Variants in VWA3A observed in about 807,000 individuals in gnomAD.
The protein encoded by VWA3A is von Willebrand factor A domain containing 3A.
In VWA3A, 134 loss-of-function variants were observed where a neutral mutation model predicts 160.4. The ratio of observed to expected loss-of-function variants is 0.84; its 90% CI spans 0.73 to 0.96. VWA3A has a LOEUF of 0.96. VWA3A is among the 40% of genes least tolerant of loss of function. VWA3A has a pLI of 0.00. For missense variants in VWA3A, 1,310 were observed against 1,447.9 expected (o/e 0.90, Z 1.55); for synonymous variants, 476 against 543.4 (o/e 0.88, Z 1.72).
intron 27 of VWA3A, among the ~76,000 whole-genome samples, chr16:22,147,913 CACAG>C (rs1454078795): frequency 2.6e-5 from 4 of 152,152 alleles, no homozygotes; most frequent in African/African-American, 9.7e-5. Context: ...TGCAACTCAT[CACAG>C]ACAAAGCCAG....
Position 22,113,363 on chromosome 16 carries a change from C to CTTTTTTTTTT in VWA3A, c.690-1960_690-1951dup, listed in dbSNP as rs569069206. ...TGCTCCACAATGCCTGGCTAATTTT[C>CTTTTTTTTTT]TTTTTTTTTTTTTTTTTTTTTTTTT... On this transcript the variant is annotated intron_variant, in intron 8 of 33. Transcript: ENST00000389398. 9.3e-3 allele frequency among the ~76,000 whole-genome samples: 431 copies of CTTTTTTTTTT among 46,260 alleles called. 44 individuals are homozygous for CTTTTTTTTTT. The highest frequency in any genetic ancestry group is 0.043 in the East Asian group (34 of 794). The allele number at this position is 46,260 out of a possible 152,430, so 30.3% of individuals were successfully genotyped here.
In VWA3A at chr16:22,152,390, C is replaced by T; in HGVS notation, c.3282-121C>T. 4.6e-6 allele frequency: 6 copies of T among 1,312,178 alleles called. No individual in the cohort carries two copies. The East Asian group carries it at 7.6e-5, about 17-fold the overall frequency. The allele number at this position is 1,312,178 out of a possible 1,614,324, so 81.3% of individuals were successfully genotyped here. ...GTGGTCTCCATGGGACAAGCCACGG[C>T]CCATTGCCAGGCTGATTTCTCTTAA... is the stretch of plus-strand genomic sequence containing the variant. On this transcript the variant is annotated intron_variant, in intron 30 of 33. Transcript: ENST00000389398.
intron 12 of VWA3A, 150 bp from the exon 13 acceptor site, chr16:22,120,818 G>A (rs2045719769): frequency 1.1e-6 from 1 of 894,820 alleles, no homozygotes; most frequent in Admixed American, 2.8e-5. Flanking sequence ...GAAGGGGAGG[G>A]GATGATGGAA....
chr16:22,121,738 C>T (rs1005871062), intron 14 of VWA3A, 121 bp downstream of exon 14: 25 of 743,880 alleles, frequency 3.4e-5, no homozygotes, highest in Middle Eastern at 3.8e-4. Context: ...CACCCAGGAC[C>T]CTAGAATGCA....
intron 5 of VWA3A, among the ~76,000 whole-genome samples, chr16:22,102,306 G>A (rs1387468240): frequency 1.3e-5 from 2 of 151,992 alleles, no homozygotes; most frequent in East Asian, 1.9e-4. Flanking sequence ...AGCCATGATC[G>A]TACCACTGCA....
chr16:22,096,626 T>A (rs918035603), intron 1 of VWA3A, among the ~76,000 whole-genome samples: 1 of 152,000 alleles, frequency 6.6e-6, no homozygotes, highest in African/African-American at 2.4e-5. Context: ...GTGCCTGTAG[T>A]CCCAGCTACT....
At chr16:22,144,863 G>A (rs1265583959) in intron 26 of VWA3A, among the ~76,000 whole-genome samples, 4 of 152,098 alleles carry the variant, frequency 2.6e-5, no homozygotes, top group Non-Finnish European at 4.4e-5. Flanking sequence ...GCAGTGAGCC[G>A]TGATCACGCC....
At chr16:22,116,228 AAG>A (rs2045642614) in intron 9 of VWA3A, 2 of 388,652 alleles carry the variant, frequency 5.1e-6, no homozygotes, top group South Asian at 1.9e-5. Context: ...GAAGGAAGGA[AAG>A]AGAAAGGAAA....
At chr16:22,109,412 AC>A (rs1289991391) in intron 6 of VWA3A, 69 bp from the exon 7 acceptor site, 134 of 1,294,676 alleles carry the variant, frequency 1.0e-4, no homozygotes, top group Non-Finnish European at 1.4e-4. Context: ...ACTGCGTGGC[AC>A]AGAGCAGCTC....
At chr16:22,149,982 C>G in intron 29 of VWA3A, 51 bp downstream of exon 29, 2 of 1,546,300 alleles carry the variant, frequency 1.3e-6, no homozygotes, top group South Asian at 1.2e-5. Flanking sequence ...TACCATCATC[C>G]CCTATGCTGA....
intron 10 of VWA3A, 86 bp downstream of exon 10, chr16:22,116,953 C>T (rs2045659232): frequency 7.0e-7 from 1 of 1,437,556 alleles, no homozygotes; most frequent in Non-Finnish European, 9.7e-7. Context: ...CTTGGACAGG[C>T]CCCCGAGCTG....
At chr16:22,136,460 G>A (rs1311320900) in intron 21 of VWA3A, among the ~76,000 whole-genome samples, 1 of 152,106 alleles carries the variant, frequency 6.6e-6, no homozygotes, top group Non-Finnish European at 1.5e-5. Flanking sequence ...AGACATGGCT[G>A]GAGATGGAGA....
At chr16:22,152,290 G>A (rs553430620) in intron 30 of VWA3A, among the ~76,000 whole-genome samples, 19 of 152,218 alleles carry the variant, frequency 1.2e-4, no homozygotes, top group Non-Finnish European at 2.2e-4. Context: ...ACACTCACAC[G>A]GGGACTCCTC....
intron 5 of VWA3A, 143 bp downstream of exon 5, chr16:22,100,636 A>T (rs981505570): frequency 1.6e-5 from 12 of 773,884 alleles, no homozygotes; most frequent in African/African-American, 3.5e-5. Flanking sequence ...AGAGTTTGAA[A>T]CCAGGCTGGC....
Position 22,130,216 on chromosome 16 carries a change from C to T in VWA3A, c.1653-989C>T, listed in dbSNP as rs555718886. On this transcript the variant is annotated intron_variant, in intron 17 of 33. Transcript: ENST00000389398. ...TGCCCCCAGGGTGGAAGTTTGACTG[C>T]AATAGGTTGAGGAGGTGAGGAAGTG... Among the ~76,000 whole-genome samples the T allele has an allele frequency of 3.9e-5, 6 of 152,162 alleles. No individual in the cohort carries two copies. The South Asian group carries it at 1.2e-3, about 32-fold the overall frequency.
intron 16 of VWA3A, among the ~76,000 whole-genome samples, chr16:22,124,361 T>C (rs1432544269): frequency 6.6e-6 from 1 of 151,400 alleles, no homozygotes; most frequent in Non-Finnish European, 1.5e-5. Flanking sequence ...AATTGACTGA[T>C]AGAGGCAGAG....
chr16:22,135,242 C>T (rs1045143707), intron 21 of VWA3A, among the ~76,000 whole-genome samples: 3 of 151,958 alleles, frequency 2.0e-5, no homozygotes, highest in African/African-American at 7.3e-5. Flanking sequence ...GGCTAAAGTT[C>T]GGTCAAGGAG....
intron 9 of VWA3A, among the ~76,000 whole-genome samples, chr16:22,116,175 A>C (rs1341472243): frequency 6.6e-6 from 1 of 151,186 alleles, no homozygotes; most frequent in Non-Finnish European, 1.5e-5. Flanking sequence ...GAAAGAAACA[A>C]AGAATGAAAG....
chr16:22,152,655 G>T, intron 31 of VWA3A, 21 bp downstream of exon 31: 1 of 1,591,788 alleles, frequency 6.3e-7, no homozygotes. Context: ...GAGCCACTGA[G>T]CATGAGGTCT....
Sources: gnomAD v4.1 joint callset for allele counts (sites outside exome capture counted in the v4.1 genomes callset) on GRCh38, gnomAD v4.1.1 for gene constraint, MANE v1.5 for transcripts, NCBI Gene and HGNC (gene_info 2026-07-23, HGNC 2026-07-21) for gene names.